The following MIPOL1 variants were observed in gnomAD, a reference collection of about 807,000 sequenced individuals.
MIPOL1 encodes the protein mirror-image polydactyly 1, also known as mirror-image polydactyly gene 1 protein.
Under a neutral mutation model 60.9 loss-of-function variants are expected in MIPOL1, and 57 were observed. The ratio of observed to expected loss-of-function variants is 0.94; its 90% confidence interval spans 0.76 to 1.17. The LOEUF is 1.17. Among genes scored for constraint, MIPOL1 ranks in the 50% most tolerant of loss-of-function variants. MIPOL1 has a pLI of 0.00. For synonymous variants in MIPOL1, 179 were observed against 168.8 expected (o/e 1.06, Z -0.47); for missense variants, 551 against 511.6 (o/e 1.08, Z -0.74).
rs1439938491 is a variant in MIPOL1 at position 37,548,097 on chromosome 14, G to A, written c.*1126G>A. ...GACCAAGAGGAAATGACTGTGCCTG[G>A]AACAGGATGAAATAGACAAGTAGAG... On this transcript the variant is annotated 3_prime_UTR_variant, in exon 13 of 13. Coordinates refer to ENST00000684589, the MANE Select transcript of MIPOL1 (RefSeq NM_001388067.1). 6.6e-6 allele frequency: 1 copy of A among 151,964 alleles called. No individual in the cohort carries two copies. The highest frequency in any genetic ancestry group is 2.4e-5 in the African/African-American group (1 of 41,412). The allele number at this position is 151,964 out of a possible 1,614,324, so 9.4% of individuals were successfully genotyped here. A position where few individuals can be genotyped will look rare whatever the true frequency, so the allele number is the denominator to read the frequency against.
At chr14:37,396,254 A>G (rs531296811) in intron 10 of MIPOL1, among the ~76,000 whole-genome samples, 2 of 152,256 alleles carry the variant, frequency 1.3e-5, no homozygotes, top group Admixed American at 6.5e-5. Flanking sequence ...GCTGGATACA[A>G]AATTCTTGGC....
At chr14:37,450,512 AT>A (rs1376517054) in intron 11 of MIPOL1, among the ~76,000 whole-genome samples, 2 of 152,010 alleles carry the variant, frequency 1.3e-5, no homozygotes, top group Admixed American at 6.6e-5. Flanking sequence ...ATGGAAGATA[AT>A]TTTTTTAATC....
intron 7 of MIPOL1, among the ~76,000 whole-genome samples, chr14:37,287,023 AC>A: frequency 6.6e-6 from 1 of 152,008 alleles, no homozygotes; most frequent in East Asian, 1.9e-4. Context: ...CAGATTCTGA[AC>A]CCAGTCTATC....
intron 10 of MIPOL1, among the ~76,000 whole-genome samples, chr14:37,390,566 A>G (rs986624778): frequency 2.0e-5 from 3 of 152,146 alleles, no homozygotes; most frequent in African/African-American, 7.2e-5. Context: ...AGAGAAAATA[A>G]ATGAAAATAT....
intron 12 of MIPOL1, chr14:37,505,826 C>A (rs567614663): frequency 1.3e-5 from 2 of 152,190 alleles, no homozygotes; most frequent in Non-Finnish European, 2.9e-5. Flanking sequence ...TCCCTGTTTG[C>A]ATATGACATG....
chr14:37,200,892 G>T (rs1389365331), intron 1 of MIPOL1, among the ~76,000 whole-genome samples: 6 of 57,786 alleles, frequency 1.0e-4, no homozygotes, highest in African/African-American at 6.9e-4. Flanking sequence ...GTGTGTGTGT[G>T]TGTGTGTATT....
At chr14:37,509,949 CA>C (rs1594797841) in intron 12 of MIPOL1, among the ~76,000 whole-genome samples, 1 of 151,614 alleles carries the variant, frequency 6.6e-6, no homozygotes, top group East Asian at 2.0e-4. Flanking sequence ...TTTTATAATT[CA>C]ACCTGAAAAC....
At chr14:37,228,330 T>G (rs374508585) in intron 1 of MIPOL1, among the ~76,000 whole-genome samples, 2 of 147,100 alleles carry the variant, frequency 1.4e-5, no homozygotes, top group Non-Finnish European at 3.0e-5. Context: ...CTTTTCTTTT[T>G]TTTTTTTTTT....
At chr14:37,350,575 A>G (rs1378014446) in intron 9 of MIPOL1, among the ~76,000 whole-genome samples, 3 of 152,162 alleles carry the variant, frequency 2.0e-5, no homozygotes, top group East Asian at 1.9e-4. Flanking sequence ...CCATTGTGTT[A>G]CAAACAATCA....
chr14:37,249,618 A>C (rs542106261), intron 3 of MIPOL1, among the ~76,000 whole-genome samples: 2 of 152,260 alleles, frequency 1.3e-5, no homozygotes, highest in South Asian at 4.1e-4. Context: ...AAGATAGTTC[A>C]AGGTTTTTTG....
chr14:37,306,805 A>G (rs1391604986), intron 7 of MIPOL1, among the ~76,000 whole-genome samples: 1 of 151,830 alleles, frequency 6.6e-6, no homozygotes, highest in African/African-American at 2.4e-5. Context: ...GTTAGGCAGC[A>G]TCTTTGAAAA....
chr14:37,446,838 A>T (rs1481567360), intron 11 of MIPOL1, among the ~76,000 whole-genome samples: 1 of 149,130 alleles, frequency 6.7e-6, no homozygotes, highest in South Asian at 2.2e-4. Flanking sequence ...AAAACCAAAC[A>T]CCGCATGTTC....
At chr14:37,328,052 G>T (rs749102925) in intron 9 of MIPOL1, among the ~76,000 whole-genome samples, 2 of 151,706 alleles carry the variant, frequency 1.3e-5, no homozygotes, top group East Asian at 3.9e-4. Flanking sequence ...CGCTCTTGTT[G>T]CCCAGGCTGG....
At chr14:37,307,111 T>C (rs1334875491) in intron 7 of MIPOL1, among the ~76,000 whole-genome samples, 1 of 151,848 alleles carries the variant, frequency 6.6e-6, no homozygotes. Flanking sequence ...TTAGGTGTCT[T>C]CTATTATCTT....
chr14:37,461,641 A>G (rs575502952), intron 11 of MIPOL1, among the ~76,000 whole-genome samples: 1 of 152,288 alleles, frequency 6.6e-6, no homozygotes, highest in Middle Eastern at 3.4e-3. Flanking sequence ...TCCTAGATAC[A>G]ATGGGGGTTC....
chr14:37,244,597 T>C (rs1972897169), intron 1 of MIPOL1, among the ~76,000 whole-genome samples: 1 of 152,086 alleles, frequency 6.6e-6, no homozygotes, highest in African/African-American at 2.4e-5. Flanking sequence ...AAACAAACTT[T>C]AGTTGCAAAT....
At chr14:37,284,047 A>C (rs2084347478) in intron 6 of MIPOL1, among the ~76,000 whole-genome samples, 1 of 151,960 alleles carries the variant, frequency 6.6e-6, no homozygotes, top group Non-Finnish European at 1.5e-5. Flanking sequence ...AAAATTATGT[A>C]AGATTTCAAA....
chr14:37,365,806 A>G (rs953101544), intron 9 of MIPOL1, among the ~76,000 whole-genome samples: 4 of 152,004 alleles, frequency 2.6e-5, no homozygotes, highest in African/African-American at 9.7e-5. Context: ...ATAAATATTT[A>G]TTAGAATTCA....
intron 11 of MIPOL1, among the ~76,000 whole-genome samples, chr14:37,431,569 CTTTTTTTT>C (rs869258490): frequency 7.7e-5 from 5 of 64,850 alleles, no homozygotes; most frequent in Non-Finnish European, 1.0e-4. Flanking sequence ...ATCTCTGTTT[CTTTTTTTT>C]TTTTTTTTTT....
Sources: gnomAD v4.1 joint callset for allele counts (sites outside exome capture counted in the v4.1 genomes callset) on GRCh38, gnomAD v4.1.1 for gene constraint, MANE v1.5 for transcripts, NCBI Gene and HGNC (gene_info 2026-07-23, HGNC 2026-07-21) for gene names.